KHDRBS2: variants seen among roughly 807,000 people sequenced by gnomAD.
KHDRBS2 encodes the protein KH domain-containing, RNA-binding, signal transduction-associated protein 2.
Under a neutral mutation model 44.3 loss-of-function variants are expected in KHDRBS2, and 26 were observed. The ratio of observed to expected loss-of-function variants is 0.59; its 90% CI spans 0.43 to 0.81. The LOEUF (loss-of-function observed/expected upper bound fraction) is 0.81, where lower values mean the gene tolerates loss of function less well. KHDRBS2 is among the 40% of genes least tolerant of loss of function. The pLI is 0.00. For missense variants in KHDRBS2, 476 were observed against 433.1 expected (o/e 1.10, Z -0.88); for synonymous variants, 194 against 151.1 (o/e 1.28, Z -2.08).
Position 62,270,840 on chromosome 6 carries a change from C to T in KHDRBS2, c.91+15018G>A, listed in dbSNP as rs184396646. On this transcript the variant is annotated intron_variant, in intron 1 of 8. Transcript: ENST00000281156. ...GACCTATGAGATCGTTGGTAAGAAC[C>T]TATGTCATAGATGAGGAAAGAAAGG... 5.3e-5 allele frequency among the ~76,000 whole-genome samples: 8 copies of T among 152,130 alleles called. No individual in the cohort carries two copies. The East Asian group carries it at 1.4e-3, about 26-fold the overall frequency.
intron 3 of KHDRBS2, among the ~76,000 whole-genome samples, chr6:62,031,536 A>C (rs1217239471): frequency 2.0e-5 from 3 of 152,094 alleles, no homozygotes; most frequent in African/African-American, 7.2e-5. Flanking sequence ...GTCCCAGGCC[A>C]GGAAGCATTC....
At chr6:61,853,894 G>A (rs892615755) in intron 6 of KHDRBS2, among the ~76,000 whole-genome samples, 11 of 152,158 alleles carry the variant, frequency 7.2e-5, no homozygotes, top group Non-Finnish European at 1.0e-4. Flanking sequence ...AAAAGAGAAC[G>A]AGAGATAACC....
At chr6:61,740,395 T>C (rs1177391479) in intron 6 of KHDRBS2, among the ~76,000 whole-genome samples, 1 of 151,910 alleles carries the variant, frequency 6.6e-6, no homozygotes, top group African/African-American at 2.4e-5. Flanking sequence ...GGGTCAGGTC[T>C]GAATTGTTTT....
intron 7 of KHDRBS2, among the ~76,000 whole-genome samples, chr6:61,712,091 G>T (rs9344549): frequency 0.35 from 53,482 of 151,432 alleles, 10,263 homozygotes; most frequent in East Asian, 0.49. Context: ...GGCACATGGG[G>T]GAGCTCTTTT....
At chr6:61,738,074 C>T (rs1348668320) in intron 6 of KHDRBS2, among the ~76,000 whole-genome samples, 3 of 151,732 alleles carry the variant, frequency 2.0e-5, no homozygotes, top group Admixed American at 6.6e-5. Flanking sequence ...ATACTTTTTC[C>T]GTTTTTGCTT....
chr6:61,773,415 GT>G lies in KHDRBS2; in HGVS notation c.811-40652del, dbSNP rs1262384384. ...AGTGATGATGAGCATTTTTTCATGT[GT>G]TTTTTTGGCTGCATAAATGTCTTCT... On this transcript the variant is annotated intron_variant, in intron 6 of 8. Transcript: ENST00000281156. Among the ~76,000 whole-genome samples the G allele has an allele frequency of 2.5e-3, 383 of 151,926 alleles. 2 individuals carry two copies. Among genetic ancestry groups the G allele is most frequent in the African/African-American group, 8.9e-3 (368 of 41,342 alleles).
the KHDRBS2 span, among the ~76,000 whole-genome samples, chr6:61,643,182 T>C: frequency 6.6e-6 from 1 of 152,164 alleles, no homozygotes; most frequent in East Asian, 1.9e-4. Flanking sequence ...AAATTCTGTA[T>C]ATAAAAGTTT....
chr6:61,928,880 T>A (rs1165337131), intron 4 of KHDRBS2, among the ~76,000 whole-genome samples: 1 of 152,162 alleles, frequency 6.6e-6, no homozygotes, highest in Non-Finnish European at 1.5e-5. Flanking sequence ...TTGTTTGTTA[T>A]ACTATAAAAT....
intron 3 of KHDRBS2, among the ~76,000 whole-genome samples, chr6:62,044,420 A>C (rs1331150308): frequency 6.6e-6 from 1 of 151,988 alleles, no homozygotes; most frequent in Non-Finnish European, 1.5e-5. Context: ...CGGTGGGTCA[A>C]AGCTGCAGTG....
chr6:61,870,763 G>GCAGA (rs1221364078), intron 6 of KHDRBS2, among the ~76,000 whole-genome samples: 2 of 151,604 alleles, frequency 1.3e-5, no homozygotes, highest in African/African-American at 4.8e-5. Context: ...GCAAACTCCA[G>GCAGA]CAGACGTGCA....
At chr6:62,032,689 A>G (rs1427718169) in intron 3 of KHDRBS2, among the ~76,000 whole-genome samples, 1 of 151,974 alleles carries the variant, frequency 6.6e-6, no homozygotes, top group Admixed American at 6.6e-5. Context: ...GAAACAACTT[A>G]TATCACAAAA....
chr6:61,693,515 C>T (rs952051983), intron 8 of KHDRBS2, among the ~76,000 whole-genome samples: 2 of 151,948 alleles, frequency 1.3e-5, no homozygotes, highest in Non-Finnish European at 2.9e-5. Context: ...TTTGGCTGTG[C>T]AAAAAGAGGA....
chr6:62,268,845 C>A (rs777779387), intron 1 of KHDRBS2, among the ~76,000 whole-genome samples: 18 of 151,810 alleles, frequency 1.2e-4, no homozygotes, highest in Non-Finnish European at 2.1e-4. Context: ...GTCACTGTCT[C>A]CTTCAGAATT....
At chr6:62,043,851 G>C (rs1787080933) in intron 3 of KHDRBS2, among the ~76,000 whole-genome samples, 1 of 151,992 alleles carries the variant, frequency 6.6e-6, no homozygotes, top group Admixed American at 6.6e-5. Context: ...TAAGGATTAA[G>C]AAGTATTATT....
chr6:61,718,907 C>G (rs950629464), intron 7 of KHDRBS2, among the ~76,000 whole-genome samples: 1 of 152,184 alleles, frequency 6.6e-6, no homozygotes, highest in Non-Finnish European at 1.5e-5. Context: ...CGCCCCCACA[C>G]TGTTTCAGCC....
At chr6:62,054,898 A>C (rs1646372907) in intron 2 of KHDRBS2, among the ~76,000 whole-genome samples, 2 of 152,192 alleles carry the variant, frequency 1.3e-5, no homozygotes, top group South Asian at 4.1e-4. Context: ...TAGGAAACTA[A>C]AATACTAAGG....
At chr6:61,771,634 T>C (rs546456967) in intron 6 of KHDRBS2, among the ~76,000 whole-genome samples, 3 of 152,212 alleles carry the variant, frequency 2.0e-5, no homozygotes, top group African/African-American at 7.2e-5. Flanking sequence ...CAAGAAGAGC[T>C]AACTATCCTA....
At chr6:62,032,043 G>T (rs1784423676) in intron 3 of KHDRBS2, among the ~76,000 whole-genome samples, 1 of 152,128 alleles carries the variant, frequency 6.6e-6, no homozygotes, top group Non-Finnish European at 1.5e-5. Context: ...GAGAGACAGA[G>T]ATTCTGCATG....
chr6:61,844,650 G>A (rs549280869), intron 6 of KHDRBS2, among the ~76,000 whole-genome samples: 1 of 152,230 alleles, frequency 6.6e-6, no homozygotes, highest in African/African-American at 2.4e-5. Context: ...CCAGAACAGT[G>A]TCTGGCACAA....
Sources: gnomAD v4.1 joint callset for allele counts (sites outside exome capture counted in the v4.1 genomes callset) on GRCh38, gnomAD v4.1.1 for gene constraint, MANE v1.5 for transcripts, NCBI Gene and HGNC (gene_info 2026-07-23, HGNC 2026-07-21) for gene names.